The following SETD9 variants were observed in gnomAD, a reference collection of about 807,000 sequenced individuals.
SETD9 encodes SET domain containing 9.
Under a neutral mutation model 36.4 loss-of-function variants are expected in SETD9, and 37 were observed. The ratio of observed to expected loss-of-function variants is 1.02; its 90% CI spans 0.78 to 1.34. The LOEUF (loss-of-function observed/expected upper bound fraction) is 1.34, where lower values mean the gene tolerates loss of function less well. Among genes scored for constraint, SETD9 ranks in the 40% most tolerant of loss-of-function variants. SETD9 has a pLI of 0.00. For missense variants in SETD9, 323 were observed against 353.2 expected (o/e 0.91, Z 0.69); for synonymous variants, 128 against 132.9 (o/e 0.96, Z 0.26).
chr5:56,928,488 G>A, downstream of SETD9: 1 of 226,840 alleles, frequency 4.4e-6, no homozygotes, highest in Non-Finnish European at 8.6e-6. Context: ...TGATAAGAAA[G>A]GAAAGTCAAG....
upstream of SETD9, chr5:56,909,326 C>CT (rs1748965330): frequency 3.9e-6 from 1 of 253,638 alleles, no homozygotes; most frequent in Non-Finnish European, 7.5e-6. Context: ...GGGTTCGCCC[C>CT]TGAGGCCCGG....
Position 56,913,135 on chromosome 5 carries a change from G to A in SETD9, c.590+1G>A, listed in dbSNP as rs1579811506. The A allele has an allele frequency of 6.2e-7, 1 of 1,613,706 alleles. No homozygotes were observed. Among genetic ancestry groups the A allele is most frequent in the Non-Finnish European group, 8.5e-7 (1 of 1,179,862 alleles). On this transcript the variant is annotated splice_donor_variant, in intron 3 of 5. Coordinates refer to ENST00000285947, the MANE Select transcript of SETD9 (RefSeq NM_153706.4). LOFTEE classifies it high-confidence loss of function. ...AAGGGATATCAAAAGTTGTGTACAGGTAAGTGATGCCCATGTTCAAATTTA... is the reference window on the plus strand; with the variant it reads ...AAGGGATATCAAAAGTTGTGTACAGATAAGTGATGCCCATGTTCAAATTTA...
At chr5:56,922,685 C>A in intron 5 of SETD9, 1 of 167,138 alleles carries the variant, frequency 6.0e-6, no homozygotes, top group Admixed American at 5.5e-5. Flanking sequence ...CATTGTTATT[C>A]CACTGCATCC....
rs572321771 is a variant in SETD9 at position 56,917,308 on chromosome 5, A to C, written c.*406A>C. ...ACTTCTGTAAAAACTTTATTTTTAC[A>C]GAATTGAGTAAAAAATACCTATTGT... On this transcript the variant is annotated 3_prime_UTR_variant, in exon 6 of 6. Transcript: ENST00000285947. The C allele has an allele frequency of 1.0e-6, 1 of 989,442 alleles. No homozygotes were observed. The highest frequency in any genetic ancestry group is 1.2e-6 in the Non-Finnish European group (1 of 832,802). 61.3% of individuals were successfully genotyped at this position (989,442 alleles called of 1,614,324 possible). A position where few individuals can be genotyped will look rare whatever the true frequency, so the allele number is the denominator to read the frequency against.
At chr5:56,909,855 GC>G in intron 1 of SETD9, 112 bp downstream of exon 1, 1 of 995,222 alleles carries the variant, frequency 1.0e-6, no homozygotes, top group South Asian at 1.6e-5. Context: ...CCTGAGATGG[GC>G]GGGCCCGGGT....
Position 56,914,968 on chromosome 5 carries a change from T to A in SETD9, c.812+2T>A. 6.3e-7 allele frequency: 1 copy of A among 1,580,012 alleles called. No homozygotes were observed. Reference sequence around the variant, plus strand: ...TGCCTACAGCTATGACAAACAAAGGTTCGTTTGCTAAAAGAGCATTTCATA... The same window carrying A: ...TGCCTACAGCTATGACAAACAAAGGATCGTTTGCTAAAAGAGCATTTCATA... On this transcript the variant is annotated splice_donor_variant, in intron 5 of 5. Transcript: ENST00000285947. LOFTEE classifies it high-confidence loss of function.
intron 5 of SETD9, among the ~76,000 whole-genome samples, chr5:56,915,754 AG>A (rs1749393323): frequency 6.6e-6 from 1 of 151,838 alleles, no homozygotes; most frequent in Admixed American, 6.6e-5. Context: ...GCTTGAGCAC[AG>A]GAATTCGAAA....
chr5:56,911,429 T>G lies in SETD9; in HGVS notation c.359T>G (p.Leu120Trp). ...FKPEEILYKT[L>W]GFSVAQATSS... ...CCAGAAGAAATTCTTTACAAGACTT[T>G]GGGTTTCAGTGTTGCCCAAGCAACT... Residue 120 changes from leucine (L) to tryptophan (W), a missense_variant, in exon 2 of 6, where the codon TTG becomes TGG. Leu to Trp is a moderately conservative substitution (Grantham distance 61, BLOSUM62 -2). Transcript: ENST00000285947. 1.9e-6 allele frequency: 3 copies of G among 1,613,454 alleles called. No individual in the cohort carries two copies. Among genetic ancestry groups the G allele is most frequent in the Non-Finnish European group, 1.7e-6 (2 of 1,179,826 alleles).
At chr5:56,913,825 T>C in intron 3 of SETD9, 49 bp from the exon 4 acceptor site, 1 of 1,169,370 alleles carries the variant, frequency 8.6e-7, no homozygotes, top group Non-Finnish European at 1.3e-6. Flanking sequence ...TATTTTAGGA[T>C]TCTATTTTAA....
chr5:56,910,191 G>A, intron 1 of SETD9: 2 of 1,248,184 alleles, frequency 1.6e-6, no homozygotes, highest in Non-Finnish European at 2.1e-6. Flanking sequence ...GAGAGTGCGT[G>A]GCTTTTTCTC....
chr5:56,909,950 G>A, intron 1 of SETD9: 2 of 1,157,776 alleles, frequency 1.7e-6, no homozygotes, highest in East Asian at 2.8e-5. Flanking sequence ...GAGGCGGGCG[G>A]GGCCGAGGTT....
chr5:56,917,510 G>A (rs1297541353), downstream of SETD9, among the ~76,000 whole-genome samples: 1 of 152,182 alleles, frequency 6.6e-6, no homozygotes, highest in South Asian at 2.1e-4. Flanking sequence ...TATTCCCCGT[G>A]TCTCATGTCT....
In SETD9 at chr5:56,917,251, A is replaced by G; in HGVS notation, c.*349A>G. The G allele has an allele frequency of 2.9e-6, 3 of 1,040,072 alleles. No individual in the cohort carries two copies. The highest frequency in any genetic ancestry group is 3.5e-6 in the Non-Finnish European group (3 of 866,472). The allele number at this position is 1,040,072 out of a possible 1,614,324, so 64.4% of individuals were successfully genotyped here. On this transcript the variant is annotated 3_prime_UTR_variant, in exon 6 of 6. Coordinates refer to ENST00000285947, the MANE Select transcript of SETD9 (RefSeq NM_153706.4). Reference sequence around the variant, plus strand: ...GTTTATAAAATTGTAGCCAGGCATCAGCAGTTCTTGTAGTACTGCTGATGT... The same window carrying G: ...GTTTATAAAATTGTAGCCAGGCATCGGCAGTTCTTGTAGTACTGCTGATGT...
At chr5:56,922,093 T>C (rs1749700457), downstream of SETD9, 1 of 152,674 alleles carries the variant, frequency 6.5e-6, no homozygotes, top group South Asian at 2.1e-4. Context: ...TTCAAGGTTC[T>C]ACTGCATTAG....
chr5:56,912,456 C>T (rs1308376712), intron 2 of SETD9, among the ~76,000 whole-genome samples: 1 of 152,106 alleles, frequency 6.6e-6, no homozygotes, highest in African/African-American at 2.4e-5. Flanking sequence ...CAGTTTCCTG[C>T]TGTACGAGTA....
rs1749477188 is a variant in SETD9 at position 56,917,261 on chromosome 5, G to A, written c.*359G>A. On this transcript the variant is annotated 3_prime_UTR_variant, in exon 6 of 6. Coordinates refer to ENST00000285947, the MANE Select transcript of SETD9 (RefSeq NM_153706.4). ...TTGTAGCCAGGCATCAGCAGTTCTTGTAGTACTGCTGATGTGTACAAACTT... is the reference window on the plus strand; with the variant it reads ...TTGTAGCCAGGCATCAGCAGTTCTTATAGTACTGCTGATGTGTACAAACTT... 5.8e-6 allele frequency: 6 copies of A among 1,032,684 alleles called. No individual in the cohort carries two copies. Among genetic ancestry groups the A allele is most frequent in the Non-Finnish European group, 7.0e-6 (6 of 861,204 alleles). 64.0% of individuals were successfully genotyped at this position (1,032,684 alleles called of 1,614,324 possible).
At chr5:56,909,435 G>C, upstream of SETD9, 1 of 468,008 alleles carries the variant, frequency 2.1e-6, no homozygotes, top group Non-Finnish European at 3.7e-6. Context: ...CCTCCTTCCA[G>C]CTCTACGCGC....
Position 56,916,973 on chromosome 5 carries a change from T to G in SETD9, c.*71T>G. 1 of 1,495,574 alleles carries G rather than the reference T, an allele frequency of 6.7e-7. No individual in the cohort carries two copies. Among genetic ancestry groups the G allele is most frequent in the Non-Finnish European group, 8.9e-7 (1 of 1,128,720 alleles). The allele number at this position is 1,495,574 out of a possible 1,614,324, so 92.6% of individuals were successfully genotyped here. A position where few individuals can be genotyped will look rare whatever the true frequency, so the allele number is the denominator to read the frequency against. On this transcript the variant is annotated 3_prime_UTR_variant, in exon 6 of 6. Coordinates refer to ENST00000285947, the MANE Select transcript of SETD9 (RefSeq NM_153706.4). The stretch of plus-strand genomic sequence containing the variant: ...CTAAGTGTTTTTTGTTAATCACTTC[T>G]CTGAGTTCTACCTGTAAAACAAATA...
At chr5:56,914,484 T>C (rs1749322122) in intron 4 of SETD9, among the ~76,000 whole-genome samples, 1 of 152,148 alleles carries the variant, frequency 6.6e-6, no homozygotes, top group South Asian at 2.1e-4. Context: ...TATTAGTATT[T>C]AACCTTTAAC....
Sources: allele counts gnomAD v4.1 joint callset (sites outside exome capture counted in the v4.1 genomes callset), GRCh38; gene constraint gnomAD v4.1.1; transcripts MANE v1.5; gene names NCBI Gene and HGNC (gene_info 2026-07-23, HGNC 2026-07-21).